Variants in KDM2A observed in about 807,000 individuals in gnomAD.
KDM2A encodes the protein lysine-specific demethylase 2A.
KDM2A carries 3 observed loss-of-function variants against 137.3 expected under a neutral mutation model. The observed-to-expected ratio is 0.02, with a 90% confidence interval of 0.01 to 0.06. The LOEUF is 0.06. KDM2A is among the 10% of genes least tolerant of loss of function. The probability of loss-of-function intolerance (pLI) is 1.00; values close to 1 mark genes in which losing one functional copy is unlikely to be tolerated. For synonymous variants in KDM2A, 512 were observed against 541.5 expected (o/e 0.95, Z 0.76); for missense variants, 738 against 1,510.6 (o/e 0.49, Z 8.48).
intron 6 of KDM2A, among the ~76,000 whole-genome samples, chr11:67,215,020 A>T (rs995164961): frequency 1.3e-5 from 2 of 152,138 alleles, no homozygotes; most frequent in Admixed American, 1.3e-4. Context: ...TTAAAAAATA[A>T]AACAAATTAT....
chr11:67,239,039 G>A (rs1310214839), intron 12 of KDM2A, among the ~76,000 whole-genome samples: 5 of 152,208 alleles, frequency 3.3e-5, no homozygotes, highest in Admixed American at 6.5e-5. Context: ...TTGTCAGTCC[G>A]AGTGGCTGTG....
intron 2 of KDM2A, among the ~76,000 whole-genome samples, chr11:67,169,922 T>A (rs1856841738): frequency 6.6e-6 from 1 of 151,594 alleles, no homozygotes; most frequent in Non-Finnish European, 1.5e-5. Context: ...CATGGCAGGC[T>A]AATTTTTGTA....
intron 5 of KDM2A, among the ~76,000 whole-genome samples, chr11:67,206,252 A>G (rs1317535743): frequency 1.1e-4 from 16 of 152,156 alleles, no homozygotes; most frequent in African/African-American, 3.6e-4. Flanking sequence ...CCAACATGGC[A>G]AAACGCTGAC....
intron 2 of KDM2A, among the ~76,000 whole-genome samples, chr11:67,125,668 A>G (rs1018256629): frequency 2.0e-5 from 3 of 151,538 alleles, no homozygotes; most frequent in African/African-American, 7.3e-5. Flanking sequence ...AATCCCAGCT[A>G]CTTGGGAGGC....
intron 5 of KDM2A, among the ~76,000 whole-genome samples, chr11:67,187,113 G>A (rs1476998328): frequency 6.6e-6 from 1 of 152,108 alleles, no homozygotes; most frequent in Non-Finnish European, 1.5e-5. Flanking sequence ...GATATTAGAT[G>A]TAATCCCTAT....
At chr11:67,127,015 G>A (rs1364684590) in intron 2 of KDM2A, among the ~76,000 whole-genome samples, 1 of 152,178 alleles carries the variant, frequency 6.6e-6, no homozygotes, top group East Asian at 1.9e-4. Context: ...TTGTATACCT[G>A]AGAAGGTACT....
At chr11:67,217,428 C>T (rs1231852330) in intron 8 of KDM2A, 1 of 345,740 alleles carries the variant, frequency 2.9e-6, no homozygotes, top group African/African-American at 2.1e-5. Context: ...CTCTGGAAGC[C>T]AGACAGAGTG....
chr11:67,240,674 C>T (rs568346622), intron 12 of KDM2A, among the ~76,000 whole-genome samples: 1 of 152,154 alleles, frequency 6.6e-6, no homozygotes, highest in Admixed American at 6.5e-5. Flanking sequence ...TGCCTGGAGC[C>T]GAGATAGGCG....
intron 5 of KDM2A, among the ~76,000 whole-genome samples, chr11:67,200,664 C>T (rs970371246): frequency 2.6e-5 from 4 of 152,040 alleles, no homozygotes; most frequent in African/African-American, 9.7e-5. Flanking sequence ...CATGCCAACA[C>T]ACCCAGTTAA....
chr11:67,245,727 G>A lies in KDM2A; in HGVS notation c.1834-258G>A. The A allele has an allele frequency of 3.4e-6, 2 of 595,170 alleles. No homozygotes were observed. The highest frequency in any genetic ancestry group is 2.9e-6 in the Non-Finnish European group (1 of 342,480). 36.9% of individuals were successfully genotyped at this position (595,170 alleles called of 1,614,324 possible). On this transcript the variant is annotated intron_variant, in intron 14 of 20. Coordinates refer to ENST00000529006, the MANE Select transcript of KDM2A (RefSeq NM_012308.3). The surrounding 1 kb of genome is among the most constrained non-coding windows in gnomAD (Gnocchi z 4.1). ...TCATTGCTTTCTTTCCCCTCTTCAG[G>A]TAGATTAGAAAGGACCGGGGAGGCC...
At chr11:67,186,472 T>A (rs2136343075) in intron 5 of KDM2A, among the ~76,000 whole-genome samples, 1 of 152,246 alleles carries the variant, frequency 6.6e-6, no homozygotes, top group South Asian at 2.1e-4. Flanking sequence ...CTAAGGAAAC[T>A]TGTTACCACT....
intron 3 of KDM2A, among the ~76,000 whole-genome samples, chr11:67,180,630 TGTA>T (rs1396918191): frequency 2.0e-5 from 3 of 152,102 alleles, no homozygotes; most frequent in Non-Finnish European, 4.4e-5. Context: ...ATATATGTAT[TGTA>T]GTGGTCAAAA....
intron 2 of KDM2A, among the ~76,000 whole-genome samples, chr11:67,122,239 A>G (rs887302000): frequency 1.3e-4 from 20 of 152,202 alleles, no homozygotes; most frequent in African/African-American, 4.6e-4. Flanking sequence ...TTGGCTCTGC[A>G]TTTTAGACTG....
intron 2 of KDM2A, chr11:67,143,060 C>T (rs1462936953): frequency 5.4e-5 from 7 of 129,412 alleles, no homozygotes; most frequent in African/African-American, 1.5e-4. Context: ...TTGCTCTTGT[C>T]GCACAGGCTG....
intron 2 of KDM2A, among the ~76,000 whole-genome samples, chr11:67,147,685 T>G (rs1277312504): frequency 8.0e-6 from 1 of 125,588 alleles, no homozygotes; most frequent in Non-Finnish European, 1.5e-5. Context: ...TTAGAGATTC[T>G]TTTTTTTTTT....
chr11:67,202,592 GA>G (rs1358394549), intron 5 of KDM2A, among the ~76,000 whole-genome samples: 6 of 151,886 alleles, frequency 4.0e-5, no homozygotes, highest in African/African-American at 1.5e-4. Flanking sequence ...CTAACATGGT[GA>G]AACCCCGTCT....
intron 2 of KDM2A, among the ~76,000 whole-genome samples, chr11:67,150,361 G>T (rs576954280): frequency 6.4e-4 from 97 of 152,292 alleles, no homozygotes; most frequent in Non-Finnish European, 1.2e-3. Context: ...CCACCACCTT[G>T]TTGGGCCAAA....
chr11:67,126,806 A>G (rs951336678), intron 2 of KDM2A, among the ~76,000 whole-genome samples: 10 of 151,896 alleles, frequency 6.6e-5, no homozygotes, highest in Admixed American at 6.6e-5. Flanking sequence ...GTATGTGTAG[A>G]TTTGGAATAT....
chr11:67,213,240 G>A (rs1288302307), intron 6 of KDM2A, among the ~76,000 whole-genome samples: 1 of 152,120 alleles, frequency 6.6e-6, no homozygotes, highest in Non-Finnish European at 1.5e-5. Context: ...GATCAAATAC[G>A]TAGATGTTGT....
Sources: allele counts gnomAD v4.1 joint callset (sites outside exome capture counted in the v4.1 genomes callset), GRCh38; gene constraint gnomAD v4.1.1; non-coding constraint Gnocchi (gnomAD v3.1); transcripts MANE v1.5; gene names NCBI Gene and HGNC (gene_info 2026-07-23, HGNC 2026-07-21).